The following UBE2G2 variants were observed in gnomAD, a reference collection of about 807,000 sequenced individuals.
UBE2G2 encodes the protein ubiquitin-conjugating enzyme E2 G2.
UBE2G2 carries 10 observed loss-of-function variants against 23.0 expected under a neutral mutation model. The observed-to-expected ratio is 0.43, with a 90% CI of 0.27 to 0.74. The LOEUF (loss-of-function observed/expected upper bound fraction) is 0.74. UBE2G2 is among the 30% of genes least tolerant of loss of function. The pLI, the probability that UBE2G2 is intolerant of heterozygous loss-of-function variation, is 0.19. For synonymous variants in UBE2G2, 86 were observed against 81.3 expected (o/e 1.06, Z -0.31); for missense variants, 150 against 218.3 (o/e 0.69, Z 1.97).
At chr21:44,791,047 C>A (rs2083039121) in intron 1 of UBE2G2, among the ~76,000 whole-genome samples, 1 of 152,170 alleles carries the variant, frequency 6.6e-6, no homozygotes, top group African/African-American at 2.4e-5. Flanking sequence ...GCAATGGTCA[C>A]CCTTGCTATG....
rs544123807 is a variant in UBE2G2, at chr21:44,796,550, A to C, written c.43+5156T>G. Among the ~76,000 whole-genome samples the C allele has an allele frequency of 1.2e-4, 18 of 152,342 alleles. No individual in the cohort carries two copies. The South Asian group carries it at 1.7e-3, about 14-fold the overall frequency. On this transcript the variant is annotated intron_variant, in intron 1 of 5. Coordinates refer to ENST00000345496, the MANE Select transcript of UBE2G2 (RefSeq NM_003343.6). ...AACCAGTAAATGATACACAAAAAAA[A>C]CCCACTAAATTTTATCACATTATTA... is the stretch of plus-strand genomic sequence containing the variant.
intron 1 of UBE2G2, among the ~76,000 whole-genome samples, chr21:44,797,650 G>A (rs2083102721): frequency 7.3e-6 from 1 of 137,370 alleles, no homozygotes; most frequent in Non-Finnish European, 1.6e-5. Flanking sequence ...GGGAGGCGGA[G>A]CCTGCAGTGA....
At chr21:44,799,482 T>C (rs1012760594) in intron 1 of UBE2G2, among the ~76,000 whole-genome samples, 4 of 152,262 alleles carry the variant, frequency 2.6e-5, no homozygotes, top group Non-Finnish European at 5.9e-5. Context: ...TGTGCTTTTC[T>C]GTTATGGAGA....
chr21:44,787,808 AC>A (rs1381607937), intron 3 of UBE2G2, 111 bp downstream of exon 3: 5 of 1,219,406 alleles, frequency 4.1e-6, no homozygotes, highest in Non-Finnish European at 5.8e-6. Flanking sequence ...TTACTGGAGA[AC>A]TCAGTCTTTT....
At chr21:44,773,747 T>C in intron 4 of UBE2G2, 60 bp from the exon 5 acceptor site, 1 of 1,582,344 alleles carries the variant, frequency 6.3e-7, no homozygotes, top group Non-Finnish European at 8.6e-7. Flanking sequence ...ATCGCCGCGC[T>C]TGGGCAGGCT....
chr21:44,797,462 A>C (rs2083100186), intron 1 of UBE2G2, among the ~76,000 whole-genome samples: 2 of 152,008 alleles, frequency 1.3e-5, no homozygotes, highest in South Asian at 4.1e-4. Flanking sequence ...CACGCCTGTA[A>C]TCCCAGCACT....
intron 3 of UBE2G2, among the ~76,000 whole-genome samples, chr21:44,783,079 T>A (rs1555961510): frequency 6.6e-6 from 1 of 152,196 alleles, no homozygotes; most frequent in East Asian, 1.9e-4. Context: ...TAACGTTCCA[T>A]CAACAAGAAA....
intron 1 of UBE2G2, among the ~76,000 whole-genome samples, chr21:44,796,272 T>C (rs1485539387): frequency 1.3e-5 from 2 of 152,224 alleles, no homozygotes; most frequent in African/African-American, 2.4e-5. Context: ...ATCTTGTCTG[T>C]TGCTCAATTC....
intron 3 of UBE2G2, among the ~76,000 whole-genome samples, chr21:44,785,007 G>A (rs1239425758): frequency 1.3e-5 from 2 of 152,292 alleles, no homozygotes; most frequent in African/African-American, 4.8e-5. Context: ...CAATGAAAGA[G>A]GGCACCCACC....
At chr21:44,783,087 A>T (rs782487739) in intron 3 of UBE2G2, among the ~76,000 whole-genome samples, 5 of 152,264 alleles carry the variant, frequency 3.3e-5, no homozygotes, top group Admixed American at 1.3e-4. Context: ...CATCAACAAG[A>T]AAACAACCGA....
intron 2 of UBE2G2, 46 bp downstream of exon 2, chr21:44,788,014 T>C (rs782357103): frequency 3.7e-6 from 6 of 1,610,768 alleles, no homozygotes; most frequent in Non-Finnish European, 5.1e-6. Flanking sequence ...GAAGGAACTT[T>C]GGCAATTAAA....
At chr21:44,794,392 T>C (rs1169284823) in intron 1 of UBE2G2, among the ~76,000 whole-genome samples, 2 of 152,208 alleles carry the variant, frequency 1.3e-5, no homozygotes, top group Non-Finnish European at 2.9e-5. Flanking sequence ...GCTGAAACTA[T>C]AAAACATCTA....
At chr21:44,801,637 C>T (rs2083139113) in intron 1 of UBE2G2, 69 bp downstream of exon 1, 2 of 1,483,940 alleles carry the variant, frequency 1.3e-6, no homozygotes, top group South Asian at 2.6e-5. Context: ...TGCCCCAGCC[C>T]CGCCGGACGA....
intron 1 of UBE2G2, 115 bp from the exon 2 acceptor site, chr21:44,788,210 C>T: frequency 2.0e-6 from 2 of 985,722 alleles, no homozygotes; most frequent in Non-Finnish European, 2.9e-6. Context: ...TGCATATTAA[C>T]AAGTGAAAAT....
chr21:44,776,923 A>G, intron 4 of UBE2G2: 1 of 192,190 alleles, frequency 5.2e-6, no homozygotes, highest in Non-Finnish European at 1.1e-5. Flanking sequence ...TATATAACTT[A>G]ATTTATTCTT....
chr21:44,798,704 A>G (rs2083112800), intron 1 of UBE2G2, among the ~76,000 whole-genome samples: 1 of 152,136 alleles, frequency 6.6e-6, no homozygotes, highest in African/African-American at 2.4e-5. Context: ...TTCCCTTGCC[A>G]TTTCTACCAC....
At chr21:44,801,054 C>T (rs2083132548) in intron 1 of UBE2G2, 1 of 152,898 alleles carries the variant, frequency 6.5e-6, no homozygotes, top group African/African-American at 2.4e-5. Flanking sequence ...CAATGGTATT[C>T]CAAGACTTCT....
intron 3 of UBE2G2, among the ~76,000 whole-genome samples, chr21:44,786,713 C>T (rs569664720): frequency 5.1e-4 from 78 of 152,280 alleles, no homozygotes; most frequent in Middle Eastern, 3.4e-3. Context: ...CTCACTTTTC[C>T]GGTCCTTGCC....
intron 1 of UBE2G2, chr21:44,801,420 G>A: frequency 8.1e-7 from 1 of 1,230,848 alleles, no homozygotes; most frequent in Non-Finnish European, 1.0e-6. Flanking sequence ...AGAAAAAATA[G>A]AAGAGAAAAA....
Sources: gnomAD v4.1 joint callset for allele counts (sites outside exome capture counted in the v4.1 genomes callset) on GRCh38, gnomAD v4.1.1 for gene constraint, MANE v1.5 for transcripts, NCBI Gene and HGNC (gene_info 2026-07-23, HGNC 2026-07-21) for gene names.